The following PRAC2 variants were observed in gnomAD, a reference collection of about 807,000 sequenced individuals.
PRAC2 encodes PRAC2 small nuclear protein, also known as protein PRAC2.
For missense variants in PRAC2, 92 were observed against 114.5 expected, an observed-to-expected ratio of 0.80 and a Z score of 0.90; for synonymous variants, 43 against 49.5, an observed-to-expected ratio of 0.87 and a Z score of 0.55.
At chr17:48,721,828 C>T, upstream of PRAC2, 3 of 1,542,752 alleles carry the variant, frequency 1.9e-6, no homozygotes, top group African/African-American at 1.4e-5. Flanking sequence ...CTCGGCCTCC[C>T]GAAATTCCAG....
upstream of PRAC2, among the ~76,000 whole-genome samples, chr17:48,718,843 G>A (rs1230267331): frequency 6.6e-6 from 1 of 152,224 alleles, no homozygotes; most frequent in Non-Finnish European, 1.5e-5. Flanking sequence ...GGGACGGGTA[G>A]GACAGGGAGA....
chr17:48,721,821 G>C, upstream of PRAC2: 1 of 1,541,222 alleles, frequency 6.5e-7, no homozygotes, highest in South Asian at 1.2e-5. Flanking sequence ...TTCCTGCCTC[G>C]GCCTCCCGAA....
intron 1 of PRAC2, among the ~76,000 whole-genome samples, 163 bp downstream of exon 1, chr17:48,723,476 G>T (rs1008213567): frequency 6.6e-6 from 1 of 152,184 alleles, no homozygotes; most frequent in African/African-American, 2.4e-5. Context: ...GAGGGGAGCT[G>T]CAGGGAAGAG....
upstream of PRAC2, chr17:48,722,428 A>G (rs766623644): frequency 3.1e-6 from 5 of 1,593,444 alleles, no homozygotes; most frequent in African/African-American, 4.0e-5. Flanking sequence ...ACCAGAATCC[A>G]GCTTGCCTGA....
upstream of PRAC2, chr17:48,721,820 C>T (rs1310366807): frequency 4.5e-6 from 7 of 1,542,366 alleles, no homozygotes; most frequent in Admixed American, 7.9e-5. Context: ...CTTCCTGCCT[C>T]GGCCTCCCGA....
At chr17:48,718,885 C>T (rs909707541), upstream of PRAC2, among the ~76,000 whole-genome samples, 1 of 152,210 alleles carries the variant, frequency 6.6e-6, no homozygotes, top group Non-Finnish European at 1.5e-5. Flanking sequence ...CAGGCCTCTT[C>T]CGATTTGTCG....
Position 48,724,465 on chromosome 17 carries a change from T to C in PRAC2, c.55T>C (p.Phe19Leu), listed in dbSNP as rs2038182714. ...RPGSRRPTAF[F>L]FHSRWLVPNL... ...TGGCTCCCGCAGACCGACCGCCTTC[T>C]TCTTCCATTCGAGATGGCTCGTACC... Residue 19 changes from phenylalanine to leucine, a missense_variant, in exon 2 of 2, where the codon TTC becomes CTC. Coordinates refer to ENST00000422730, the MANE Select transcript of PRAC2 (RefSeq NM_001282275.2). 2 of 1,234,208 alleles carry C rather than the reference T, an allele frequency of 1.6e-6. No individual in the cohort carries two copies. Among genetic ancestry groups the C allele is most frequent in the Non-Finnish European group, 2.0e-6 (2 of 988,132 alleles). The allele number at this position is 1,234,208 out of a possible 1,614,324, so 76.5% of individuals were successfully genotyped here.
At chr17:48,724,305 G>A (rs2038179263) in intron 1 of PRAC2, 23 bp from the exon 2 acceptor site, 5 of 1,207,188 alleles carry the variant, frequency 4.1e-6, no homozygotes, top group South Asian at 8.4e-5. Context: ...AATACAAAAC[G>A]AAATTAAATA....
chr17:48,723,346 A>T, intron 1 of PRAC2, 33 bp downstream of exon 1: 1 of 227,358 alleles, frequency 4.4e-6, no homozygotes, highest in Non-Finnish European at 8.5e-6. Context: ...TCGCGGTTGC[A>T]GCTCGGGGAT....
upstream of PRAC2, chr17:48,722,580 G>A (rs981361116): frequency 8.6e-6 from 5 of 583,700 alleles, no homozygotes; most frequent in Admixed American, 5.8e-5. Flanking sequence ...TCAGTAAGAA[G>A]GCCTGCGGTT....
At chr17:48,723,741 T>C (rs2038172239) in intron 1 of PRAC2, 2 of 1,231,764 alleles carry the variant, frequency 1.6e-6, no homozygotes, top group South Asian at 8.2e-5. Context: ...TTGCGGGTGC[T>C]GGAACCGAGA....
chr17:48,721,924 A>C, upstream of PRAC2: 1 of 1,489,280 alleles, frequency 6.7e-7, no homozygotes. Flanking sequence ...AATATTTACA[A>C]ATTTTAAATA....
At chr17:48,723,654 G>A (rs2038171113) in intron 1 of PRAC2, 1 of 1,198,828 alleles carries the variant, frequency 8.3e-7, no homozygotes, top group Non-Finnish European at 1.0e-6. Flanking sequence ...GGCTGGCGGC[G>A]GCCTCGCAGG....
At chr17:48,722,362 G>A (rs1343232842), upstream of PRAC2, 1 of 1,614,084 alleles carries the variant, frequency 6.2e-7, no homozygotes, top group Non-Finnish European at 8.5e-7. Context: ...AGATGGGCCG[G>A]TCCTTGATCT....
chr17:48,722,054 C>T (rs2038150403), upstream of PRAC2, among the ~76,000 whole-genome samples: 1 of 152,216 alleles, frequency 6.6e-6, no homozygotes, highest in South Asian at 2.1e-4. Context: ...AGCCTCTCCC[C>T]CGCCTAGGTC....
upstream of PRAC2, among the ~76,000 whole-genome samples, chr17:48,718,963 G>A (rs1421871842): frequency 6.6e-6 from 1 of 152,100 alleles, no homozygotes; most frequent in South Asian, 2.1e-4. Flanking sequence ...TCGTTGTCTC[G>A]CCCGATTTGG....
In PRAC2 at chr17:48,724,462, T is replaced by G. The variant is rs757069417; in HGVS notation, c.52T>G (p.Phe18Val). ...GCCTGGCTCCCGCAGACCGACCGCC[T>G]TCTTCTTCCATTCGAGATGGCTCGT... ...LRPGSRRPTA[F>V]FFHSRWLVPN... The change falls in exon 2 of 2, where the codon TTC (phenylalanine) becomes GTC (valine). Residue 18 changes from phenylalanine (F) to valine (V), a missense_variant. Physicochemically the swap from Phe to Val is conservative, Grantham distance 50. Transcript: ENST00000422730. 2 of 1,233,788 alleles carry G rather than the reference T, an allele frequency of 1.6e-6. No individual in the cohort carries two copies. Among genetic ancestry groups the G allele is most frequent in the Non-Finnish European group, 2.0e-6 (2 of 988,068 alleles). 76.4% of individuals were successfully genotyped at this position (1,233,788 alleles called of 1,614,324 possible).
At chr17:48,722,253 C>T (rs1597928500), upstream of PRAC2, 1 of 1,381,590 alleles carries the variant, frequency 7.2e-7, no homozygotes, top group Non-Finnish European at 1.0e-6. Flanking sequence ...CTCCCAGGGC[C>T]TCCTGATGCA....
upstream of PRAC2, among the ~76,000 whole-genome samples, chr17:48,722,888 G>T (rs560128947): frequency 1.3e-5 from 2 of 152,114 alleles, no homozygotes; most frequent in Non-Finnish European, 2.9e-5. Context: ...CAGGCTGGGC[G>T]CCAGCATTAT....
Sources: gnomAD v4.1 joint callset for allele counts (sites outside exome capture counted in the v4.1 genomes callset) on GRCh38, gnomAD v4.1.1 for gene constraint, MANE v1.5 for transcripts, NCBI Gene and HGNC (gene_info 2026-07-23, HGNC 2026-07-21) for gene names.